Variants in BDP1 observed in about 807,000 individuals in gnomAD.
The protein encoded by BDP1 is transcription factor TFIIIB component B'' homolog.
In BDP1, 169 loss-of-function variants were observed where a neutral mutation model predicts 266.6. That is an observed-to-expected ratio of 0.63 (90% CI 0.56 to 0.72). BDP1 has a LOEUF of 0.72. Among genes scored for constraint, BDP1 ranks in the 30% least tolerant of loss-of-function variants. BDP1 has a pLI of 0.00. For missense variants in BDP1, 3,015 were observed against 3,053.8 expected (o/e 0.99, Z 0.30); for synonymous variants, 1,090 against 1,022.4 (o/e 1.07, Z -1.26).
At position 71,532,383 on chromosome 5, in the gene BDP1, A is replaced by T. The variant is rs764572906; in HGVS notation, c.5848A>T (p.Thr1950Ser). The T allele has an allele frequency of 5.0e-6, 8 of 1,613,486 alleles. No homozygotes were observed. The African/African-American group carries it at 1.1e-4, about 22-fold the overall frequency. ...VEHELPNTDV[T>S]TEEMKQEENL... ...ACATGAGCTACCAAACACAGATGTG[A>T]CTACTGAAGAAATGAAACAAGAAGA... The change falls in exon 26 of 39, where the codon ACT (threonine) becomes TCT (serine). Residue 1950 changes from threonine to serine, a missense_variant. By Grantham distance (58) the Thr-to-Ser change is moderately conservative. Transcript: ENST00000358731.
At chr5:71,533,201 C>T (rs912203694) in intron 26 of BDP1, among the ~76,000 whole-genome samples, 1 of 152,036 alleles carries the variant, frequency 6.6e-6, no homozygotes, top group African/African-American at 2.4e-5. Flanking sequence ...GGATTATTTT[C>T]ATTTTTTGTG....
chr5:71,562,531 A>G lies in BDP1; in HGVS notation c.7743+11A>G, dbSNP rs1743751043. On this transcript the variant is annotated intron_variant, in intron 38 of 38. Coordinates refer to ENST00000358731, the MANE Select transcript of BDP1 (RefSeq NM_018429.3). Reference sequence around the variant, plus strand: ...AGCTCAGCAACTCAGGTATGTGATAACTACTGTATTTTATAGTTTGTATGA... The same window carrying G: ...AGCTCAGCAACTCAGGTATGTGATAGCTACTGTATTTTATAGTTTGTATGA... 31 of 1,610,780 alleles carry G rather than the reference A, an allele frequency of 1.9e-5. No homozygotes were observed. The highest frequency in any genetic ancestry group is 1.7e-4 in the Middle Eastern group (1 of 6,044).
At chr5:71,530,402 A>T (rs1377322806) in intron 25 of BDP1, among the ~76,000 whole-genome samples, 1 of 149,374 alleles carries the variant, frequency 6.7e-6, no homozygotes, top group Non-Finnish European at 1.5e-5. Context: ...CACCCGGCTA[A>T]TTTTTTTTTT....
At chr5:71,543,881 G>A (rs1288062089) in intron 30 of BDP1, among the ~76,000 whole-genome samples, 1 of 152,176 alleles carries the variant, frequency 6.6e-6, no homozygotes, top group Non-Finnish European at 1.5e-5. Context: ...AAAAATACAT[G>A]AGAACCATGA....
intron 17 of BDP1, among the ~76,000 whole-genome samples, chr5:71,511,781 T>G (rs977913437): frequency 6.6e-6 from 1 of 152,228 alleles, no homozygotes; most frequent in African/African-American, 2.4e-5. Context: ...GTCACTGTTC[T>G]TAATATCATT....
intron 22 of BDP1, among the ~76,000 whole-genome samples, chr5:71,520,079 G>T (rs1258485317): frequency 6.6e-6 from 1 of 152,106 alleles, no homozygotes; most frequent in Non-Finnish European, 1.5e-5. Flanking sequence ...TGAACATTTT[G>T]TCAGACACCT....
At chr5:71,519,132 G>A (rs1418303889) in intron 22 of BDP1, among the ~76,000 whole-genome samples, 1 of 151,736 alleles carries the variant, frequency 6.6e-6, no homozygotes, top group Admixed American at 6.6e-5. Context: ...GATTACTTTT[G>A]TTTTCAATAT....
Position 71,549,569 on chromosome 5 carries a change from G to T in BDP1, c.6958G>T (p.Val2320Phe). 1.2e-6 allele frequency: 2 copies of T among 1,611,682 alleles called. No individual in the cohort carries two copies. The highest frequency in any genetic ancestry group is 1.1e-5 in the South Asian group (1 of 90,106). Reference sequence around the variant, plus strand: ...CCCTTTACTGCCAGCTCCCATATTGGTCAAATCAGTGAATACCGAAGAAAG... The same window carrying T: ...CCCTTTACTGCCAGCTCCCATATTGTTCAAATCAGTGAATACCGAAGAAAG... ...PNPLLPAPIL[V>F]KSVNTEERGD... Residue 2320 changes from valine (V) to phenylalanine (F), a missense_variant, in exon 34 of 39, where the codon GTC becomes TTC. Val to Phe is a conservative substitution (Grantham distance 50). This residue lies in a region of BDP1 where 629 missense variants were observed against 632.5 expected (regional missense o/e 0.99). Coordinates refer to ENST00000358731, the MANE Select transcript of BDP1 (RefSeq NM_018429.3).
rs1764469305 is a variant in BDP1 at position 71,504,675 on chromosome 5, A to G, written c.2296A>G (p.Ile766Val). Residue 766 changes from isoleucine to valine, a missense_variant, in exon 16 of 39, where the codon ATA (isoleucine) becomes GTA (valine). This residue lies in a region of BDP1 where 2,383 missense variants were observed against 2,404.9 expected (regional missense o/e 0.99). Coordinates refer to ENST00000358731, the MANE Select transcript of BDP1 (RefSeq NM_018429.3). ...TAAAGATTTTGAAGAGGAAGATGTC[A>G]TATTACAGCCTGAGAAAAATGATTC... is the stretch of plus-strand genomic sequence containing the variant. Reference protein sequence around the residue: ...SRKDFEEEDVILQPEKNDSFQ... With the variant: ...SRKDFEEEDVVLQPEKNDSFQ... The G allele has an allele frequency of 1.9e-6, 3 of 1,613,478 alleles. No individual in the cohort carries two copies. The highest frequency in any genetic ancestry group is 1.7e-5 in the Admixed American group (1 of 59,996).
chr5:71,498,612 C>T (rs868087468), intron 13 of BDP1, among the ~76,000 whole-genome samples: 1 of 149,684 alleles, frequency 6.7e-6, no homozygotes, highest in African/African-American at 2.5e-5. Context: ...TTAGTAGAGA[C>T]AGGGTTTCAC....
At chr5:71,525,584 G>C (rs1765793232) in intron 25 of BDP1, among the ~76,000 whole-genome samples, 3 of 84,748 alleles carry the variant, frequency 3.5e-5, no homozygotes, top group Non-Finnish European at 5.5e-5. Flanking sequence ...TGGCCGGGCG[G>C]GGGGCTGACC....
chr5:71,458,593 G>A lies in BDP1; in HGVS notation c.227G>A (p.Gly76Asp). The A allele has an allele frequency of 6.2e-7, 1 of 1,611,682 alleles. No homozygotes were observed. Among genetic ancestry groups the A allele is most frequent in the Non-Finnish European group, 8.5e-7 (1 of 1,178,712 alleles). The change falls in exon 2 of 39, where the codon GGT (glycine) becomes GAT (aspartate). Residue 76 changes from glycine (G) to aspartate (D), a missense_variant. Physicochemically the swap from Gly to Asp is moderately conservative, Grantham distance 94. Coordinates refer to ENST00000358731, the MANE Select transcript of BDP1 (RefSeq NM_018429.3). ...AATTTCAACAGTACTGAAAAGACTG[G>A]TGGTGACAATGATGTTGAAGAATCC... ...KAPRSSTEKT[G>D]GDNDVEESSR... is the part of the protein sequence containing the mutation.
chr5:71,548,203 C>T (rs934915224), intron 32 of BDP1, among the ~76,000 whole-genome samples: 9 of 151,964 alleles, frequency 5.9e-5, no homozygotes, highest in African/African-American at 1.5e-4. Flanking sequence ...GTGGGAGGAT[C>T]GCTTGAGCCC....
At chr5:71,543,166 AG>A (rs1489423538) in intron 30 of BDP1, among the ~76,000 whole-genome samples, 1 of 152,196 alleles carries the variant, frequency 6.6e-6, no homozygotes, top group African/African-American at 2.4e-5. Flanking sequence ...CTGTAGTCCT[AG>A]CTACTCAGGA....
At chr5:71,520,880 A>G (rs1351567278) in intron 22 of BDP1, among the ~76,000 whole-genome samples, 2 of 152,120 alleles carry the variant, frequency 1.3e-5, no homozygotes, top group Non-Finnish European at 2.9e-5. Context: ...GTGACCAGAG[A>G]AAGCTTCATT....
rs904775992 is a variant in BDP1 at position 71,516,133 on chromosome 5, C to A, written c.4722C>A (p.Gly1574=). 1 of 1,612,334 alleles carries A rather than the reference C, an allele frequency of 6.2e-7. No homozygotes were observed. Among genetic ancestry groups the A allele is most frequent in the Non-Finnish European group, 8.5e-7 (1 of 1,179,166 alleles). ...SVIQTARQVR[G]RLQRPRPNIR... ...TCCAAACTGCTCGACAAGTAAGGGG[C>A]CGACTTCAGAGACCGAGACCAAATA... Residue 1574 remains glycine, a synonymous_variant, in exon 21 of 39, where the codon GGC becomes GGA. Coordinates refer to ENST00000358731, the MANE Select transcript of BDP1 (RefSeq NM_018429.3).
At chr5:71,528,762 A>T (rs1344693286) in intron 25 of BDP1, among the ~76,000 whole-genome samples, 3 of 152,260 alleles carry the variant, frequency 2.0e-5, no homozygotes, top group Non-Finnish European at 4.4e-5. Context: ...TGTTTCTTAC[A>T]ATTCAAAGTA....
the BDP1 span, among the ~76,000 whole-genome samples, chr5:71,575,933 T>C: frequency 2.0e-5 from 3 of 152,214 alleles, no homozygotes; most frequent in Admixed American, 1.3e-4. Context: ...CTCTTGTTAA[T>C]TGGAATCTCA....
chr5:71,483,210 T>C (rs36036841), intron 7 of BDP1, among the ~76,000 whole-genome samples: 64,016 of 152,042 alleles, frequency 0.42, 13,816 homozygotes, highest in South Asian at 0.47. Context: ...TACGATGTGT[T>C]TGCGTGATCA....
Sources: allele counts gnomAD v4.1 joint callset (sites outside exome capture counted in the v4.1 genomes callset), GRCh38; gene constraint gnomAD v4.1.1; regional missense constraint gnomAD v4.1.1; transcripts MANE v1.5; gene names NCBI Gene and HGNC (gene_info 2026-07-23, HGNC 2026-07-21).